Variants in MYO1F observed in about 807,000 individuals in gnomAD.
MYO1F encodes unconventional myosin-If.
MYO1F carries 60 observed loss-of-function variants against 146.6 expected under a neutral mutation model. The observed-to-expected ratio is 0.41, with a 90% CI of 0.33 to 0.51. The LOEUF (loss-of-function observed/expected upper bound fraction) is 0.51. Ranked by LOEUF, MYO1F falls within the 20% of genes least tolerant of loss-of-function variation. The pLI is 0.25. For missense variants in MYO1F, 1,274 were observed against 1,534.3 expected (o/e 0.83, Z 2.83); for synonymous variants, 602 against 602.1 (o/e 1.00, Z 0.00).
intron 13 of MYO1F, 61 bp downstream of exon 13, chr19:8,545,589 C>A: frequency 7.1e-7 from 1 of 1,415,504 alleles, no homozygotes; most frequent in Non-Finnish European, 1.0e-6. Context: ...TCCCCCTCAT[C>A]TTCCAGACTC....
rs1972269556 is a variant in MYO1F at position 8,526,443 on chromosome 19, G to A, written c.2770+10C>T. 1.9e-6 allele frequency: 3 copies of A among 1,552,622 alleles called. No individual in the cohort carries two copies. The highest frequency in any genetic ancestry group is 2.4e-5 in the South Asian group (2 of 84,232). On this transcript the variant is annotated intron_variant, in intron 24 of 27. Coordinates refer to ENST00000644032, the MANE Select transcript of MYO1F (RefSeq NM_012335.4). ...CCCGCCCCCTCTGCCCTAGTTCCGCGCAGACTCACTGGAGCTCTTGGGCAG... is the reference window on the plus strand; with the variant it reads ...CCCGCCCCCTCTGCCCTAGTTCCGCACAGACTCACTGGAGCTCTTGGGCAG...
rs1181590219 is a variant in MYO1F, at chr19:8,525,389, T to C, written c.2854+90A>G. 8.3e-6 allele frequency: 9 copies of C among 1,085,272 alleles called. No individual in the cohort carries two copies. In the East Asian group the frequency reaches 2.1e-4, roughly 26 times the overall value. 67.2% of individuals were successfully genotyped at this position (1,085,272 alleles called of 1,614,324 possible). A position where few individuals can be genotyped will look rare whatever the true frequency, so the allele number is the denominator to read the frequency against. ...GGACAGAGAAGTGAGTGGTAAACTG[T>C]GTTTGTTAGATTTCGTTTGCTGAAG... On this transcript the variant is annotated intron_variant, in intron 25 of 27. Coordinates refer to ENST00000644032, the MANE Select transcript of MYO1F (RefSeq NM_012335.4).
chr19:8,543,326 C>G (rs965464511), intron 14 of MYO1F, among the ~76,000 whole-genome samples: 4 of 152,094 alleles, frequency 2.6e-5, no homozygotes, highest in African/African-American at 9.7e-5. Flanking sequence ...TGGTTAGAGT[C>G]CAGTGGATTT....
chr19:8,557,144 G>A (rs983052483), intron 1 of MYO1F, among the ~76,000 whole-genome samples: 14 of 151,922 alleles, frequency 9.2e-5, no homozygotes, highest in African/African-American at 3.1e-4. Context: ...AAAATTAGAC[G>A]AGTGGTGGCA....
In MYO1F at chr19:8,530,996, A is replaced by C. The variant is rs1325069192; in HGVS notation, c.2044-423T>G. 6.6e-6 allele frequency among the ~76,000 whole-genome samples: 1 copy of C among 151,976 alleles called. No homozygotes were observed. Among genetic ancestry groups the C allele is most frequent in the Non-Finnish European group, 1.5e-5 (1 of 68,018 alleles). ...GAGGCGGAGGTTGCAGTGAGCTGAG[A>C]TCGCGCCATTGCACTCCAGCCTGGA... is the stretch of plus-strand genomic sequence containing the variant. On this transcript the variant is annotated intron_variant, in intron 19 of 27. Coordinates refer to ENST00000644032, the MANE Select transcript of MYO1F (RefSeq NM_012335.4). This position sits in a 1 kb window ranked among gnomAD's most constrained non-coding sequence, Gnocchi z 5.8.
At chr19:8,553,890 A>ACTCTCTCTCTCTCTCTCT (rs750034709) in intron 4 of MYO1F, among the ~76,000 whole-genome samples, 13 of 57,824 alleles carry the variant, frequency 2.2e-4, no homozygotes, top group Middle Eastern at 7.4e-3. Flanking sequence ...ACACACACAC[A>ACTCTCTCTCTCTCTCTCT]CACACTCTCT....
In MYO1F at chr19:8,544,352, T is replaced by C. The variant is rs1973241606; in HGVS notation, c.1469A>G (p.His490Arg). ...GGCGCTCCAGCTGTTGAAATGCTCGTGGGTCCCCACAGCCGCCTGCAGCTT... is the reference window on the plus strand; with the variant it reads ...GGCGCTCCAGCTGTTGAAATGCTCGCGGGTCCCCACAGCCGCCTGCAGCTT... ...LQKLQAAVGT[H>R]EHFNSWSAGF... The change falls in exon 14 of 28, where the codon CAC (histidine) becomes CGC (arginine). Residue 490 changes from histidine to arginine, a missense_variant. Transcript: ENST00000644032. 6.2e-7 allele frequency: 1 copy of C among 1,613,050 alleles called. No homozygotes were observed. Among genetic ancestry groups the C allele is most frequent in the Non-Finnish European group, 8.5e-7 (1 of 1,179,820 alleles).
In MYO1F at chr19:8,550,310, C is replaced by T. The variant is rs756937114; in HGVS notation, c.951G>A (p.Leu317=). ...TCTTGCGGCTGGTCAGCTTCTCCTG[C>T]AGTCGCCCGCTGTCAATGCCCAGCA... ...AYLLGIDSGR[L]QEKLTSRKMD... Residue 317 remains leucine, a synonymous_variant, in exon 10 of 28, where the codon CTG becomes CTA. Transcript: ENST00000644032. The T allele has an allele frequency of 4.8e-5, 78 of 1,613,840 alleles. No homozygotes were observed. In the East Asian group the frequency reaches 1.5e-3, roughly 31 times the overall value.
chr19:8,535,142 C>T (rs1253925060), intron 19 of MYO1F, among the ~76,000 whole-genome samples: 1 of 152,118 alleles, frequency 6.6e-6, no homozygotes, highest in Admixed American at 6.5e-5. Flanking sequence ...AAACTCCTGA[C>T]CTCAAGTGAT....
chr19:8,549,741 G>GAA (rs1973523322), intron 10 of MYO1F: 1 of 222,246 alleles, frequency 4.5e-6, no homozygotes, highest in Non-Finnish European at 9.1e-6. Flanking sequence ...CAGACCTCAA[G>GAA]TGATCCATCC....
intron 19 of MYO1F, among the ~76,000 whole-genome samples, chr19:8,533,529 G>T (rs780493471): frequency 6.6e-6 from 1 of 151,532 alleles, no homozygotes; most frequent in Non-Finnish European, 1.5e-5. Context: ...TAACTTTTTT[G>T]TATTTTTTTA....
intron 19 of MYO1F, among the ~76,000 whole-genome samples, chr19:8,535,339 G>A (rs955581765): frequency 2.0e-5 from 3 of 152,008 alleles, no homozygotes; most frequent in Non-Finnish European, 4.4e-5. Context: ...TTTCTACCCC[G>A]TCCGTCTTCT....
chr19:8,574,567 CTTT>C (rs1568380770), intron 1 of MYO1F, among the ~76,000 whole-genome samples: 970 of 89,408 alleles, frequency 0.011, 20 homozygotes, highest in African/African-American at 0.047. Flanking sequence ...TTCTTTCTTT[CTTT>C]CTTTCTTTCT....
chr19:8,573,670 C>T (rs1382603243), intron 1 of MYO1F, among the ~76,000 whole-genome samples: 1 of 152,030 alleles, frequency 6.6e-6, no homozygotes, highest in African/African-American at 2.4e-5. Context: ...GCCAACATGG[C>T]GAAACCCCGT....
chr19:8,573,052 T>C (rs2042139201), intron 1 of MYO1F, among the ~76,000 whole-genome samples: 1 of 152,220 alleles, frequency 6.6e-6, no homozygotes, highest in Admixed American at 6.5e-5. Context: ...CTCACGCCTA[T>C]AATCCCAGCA....
At chr19:8,555,831 G>A (rs749693398) in intron 1 of MYO1F, 35 bp from the exon 2 acceptor site, 1 of 1,591,854 alleles carries the variant, frequency 6.3e-7, no homozygotes, top group South Asian at 1.1e-5. Context: ...GTGAGCCCTT[G>A]CACGGGGATG....
chr19:8,545,788 C>T, intron 12 of MYO1F, 52 bp from the exon 13 acceptor site: 2 of 1,309,628 alleles, frequency 1.5e-6, no homozygotes, highest in South Asian at 2.4e-5. Flanking sequence ...GTTGTGGCCA[C>T]CCTTCCCCCC....
chr19:8,570,962 T>A (rs1164550963), intron 1 of MYO1F, among the ~76,000 whole-genome samples: 1 of 152,156 alleles, frequency 6.6e-6, no homozygotes, highest in Non-Finnish European at 1.5e-5. Context: ...CTCTGCAGAT[T>A]CAACGAAGCA....
rs914819690 is a variant in MYO1F at position 8,540,058 on chromosome 19, G to C, written c.1611-30C>G. 2.5e-6 allele frequency: 4 copies of C among 1,587,514 alleles called. No homozygotes were observed. The African/African-American group carries it at 5.4e-5, about 21-fold the overall frequency. The stretch of plus-strand genomic sequence containing the variant: ...GTAGGAAAGGGGAGAGGAGGAGTTG[G>C]AGGTATGGCTAGACTTTCGGGTACT... On this transcript the variant is annotated intron_variant, in intron 15 of 27. Transcript: ENST00000644032.
Sources: gnomAD v4.1 joint callset for allele counts (sites outside exome capture counted in the v4.1 genomes callset) on GRCh38, gnomAD v4.1.1 for gene constraint, Gnocchi (gnomAD v3.1) non-coding constraint, MANE v1.5 for transcripts, NCBI Gene and HGNC (gene_info 2026-07-23, HGNC 2026-07-21) for gene names.